VPS13B: variants seen among roughly 807,000 people sequenced by gnomAD.
VPS13B encodes the protein intermembrane lipid transfer protein VPS13B.
VPS13B carries 285 observed loss-of-function variants against 426.4 expected under a neutral mutation model. The observed-to-expected ratio is 0.67, with a 90% CI of 0.61 to 0.74. The LOEUF is 0.74. Ranked by LOEUF, VPS13B falls within the 30% of genes least tolerant of loss-of-function variation. The pLI is 0.00. For synonymous variants in VPS13B, 1,676 were observed against 1,676.4 expected (o/e 1.00, Z 0.01); for missense variants, 4,537 against 4,782.6 (o/e 0.95, Z 1.51).
At chr8:99,203,915 G>A (rs1463950007) in intron 17 of VPS13B, among the ~76,000 whole-genome samples, 4 of 152,114 alleles carry the variant, frequency 2.6e-5, no homozygotes, top group East Asian at 1.9e-4. Flanking sequence ...AATCAATATC[G>A]TGAAAATGGC....
intron 35 of VPS13B, among the ~76,000 whole-genome samples, chr8:99,664,688 G>A (rs1160163854): frequency 1.3e-5 from 2 of 152,142 alleles, no homozygotes; most frequent in African/African-American, 4.8e-5. Context: ...TGGTGTATAT[G>A]TGCCACATTT....
At chr8:99,056,085 T>A (rs957518113) in intron 3 of VPS13B, among the ~76,000 whole-genome samples, 105 of 151,636 alleles carry the variant, frequency 6.9e-4, no homozygotes, top group African/African-American at 2.4e-3. Flanking sequence ...GAGACAGGAT[T>A]TTGCTCTGTT....
intron 54 of VPS13B, among the ~76,000 whole-genome samples, chr8:99,836,539 G>T (rs1815402276): frequency 6.6e-6 from 1 of 151,432 alleles, no homozygotes; most frequent in South Asian, 2.1e-4. Context: ...TTTGTGTCTG[G>T]CTTATTTCAC....
chr8:99,236,946 C>T (rs987730120), intron 17 of VPS13B, among the ~76,000 whole-genome samples: 39 of 152,230 alleles, frequency 2.6e-4, no homozygotes, highest in African/African-American at 5.1e-4. Context: ...TGAATTCCCA[C>T]GTGTCGTGGG....
At chr8:99,116,249 G>C (rs1297970407) in intron 7 of VPS13B, among the ~76,000 whole-genome samples, 1 of 151,494 alleles carries the variant, frequency 6.6e-6, no homozygotes, top group Non-Finnish European at 1.5e-5. Context: ...GGCCAGGCTG[G>C]TCTCAAACTC....
intron 2 of VPS13B, among the ~76,000 whole-genome samples, chr8:99,030,799 C>T (rs1842474441): frequency 6.6e-6 from 1 of 152,138 alleles, no homozygotes; most frequent in Non-Finnish European, 1.5e-5. Flanking sequence ...ATTGTGACTT[C>T]TGTCATTCGC....
intron 23 of VPS13B, among the ~76,000 whole-genome samples, chr8:99,455,913 G>A (rs1021048818): frequency 2.6e-5 from 4 of 152,148 alleles, no homozygotes; most frequent in Non-Finnish European, 5.9e-5. Context: ...ATGCTGTTAT[G>A]TACATTTAGG....
At chr8:99,032,708 T>G (rs1193093102) in intron 2 of VPS13B, among the ~76,000 whole-genome samples, 2 of 151,396 alleles carry the variant, frequency 1.3e-5, no homozygotes, top group Admixed American at 6.6e-5. Flanking sequence ...TTTGTTTTTT[T>G]TTTTTGTATT....
chr8:99,423,654 C>T (rs1402838775), intron 21 of VPS13B, among the ~76,000 whole-genome samples: 2 of 152,076 alleles, frequency 1.3e-5, no homozygotes, highest in Non-Finnish European at 2.9e-5. Context: ...ATATATAAAA[C>T]ATTCTCACAA....
intron 8 of VPS13B, among the ~76,000 whole-genome samples, chr8:99,125,015 T>C (rs1041413669): frequency 6.6e-6 from 1 of 152,142 alleles, no homozygotes; most frequent in Non-Finnish European, 1.5e-5. Flanking sequence ...TAGATGATGT[T>C]CTCTAGAGGG....
intron 20 of VPS13B, among the ~76,000 whole-genome samples, chr8:99,384,818 T>C (rs35053285): frequency 0.11 from 16,636 of 152,230 alleles, 1,029 homozygotes; most frequent in Non-Finnish European, 0.14. Flanking sequence ...TAGCTGGGAT[T>C]ACAGGCATGT....
intron 25 of VPS13B, among the ~76,000 whole-genome samples, chr8:99,487,777 TTCCAC>T (rs1820389760): frequency 6.6e-6 from 1 of 152,236 alleles, no homozygotes; most frequent in Admixed American, 6.5e-5. Context: ...TGTATCAGAA[TTCCAC>T]TCCTTTTTAT....
At chr8:99,032,619 T>C (rs2132201059) in intron 2 of VPS13B, among the ~76,000 whole-genome samples, 1 of 150,702 alleles carries the variant, frequency 6.6e-6, no homozygotes, top group Middle Eastern at 3.4e-3. Context: ...AAGCTCCGCC[T>C]CCCGGGTTCA....
At chr8:99,645,748 T>G (rs1157678265) in intron 34 of VPS13B, among the ~76,000 whole-genome samples, 1 of 152,192 alleles carries the variant, frequency 6.6e-6, no homozygotes, top group Non-Finnish European at 1.5e-5. Context: ...TATATAAGTT[T>G]TATTAAATGT....
intron 28 of VPS13B, chr8:99,507,924 T>C: frequency 1.9e-6 from 3 of 1,614,038 alleles, no homozygotes; most frequent in African/African-American, 2.7e-5. Context: ...AAGAAATTAC[T>C]TTAAATTATG....
At chr8:99,388,317 A>G (rs1814239108) in intron 20 of VPS13B, among the ~76,000 whole-genome samples, 1 of 152,158 alleles carries the variant, frequency 6.6e-6, no homozygotes, top group Admixed American at 6.5e-5. Flanking sequence ...ATATTTTTTT[A>G]AAAAAGCAAA....
intron 33 of VPS13B, among the ~76,000 whole-genome samples, chr8:99,579,978 G>A (rs1354304995): frequency 6.6e-6 from 1 of 152,118 alleles, no homozygotes; most frequent in Non-Finnish European, 1.5e-5. Context: ...GATTACAGGC[G>A]TGAGCTACTG....
chr8:99,188,345 G>C (rs1409178342), intron 16 of VPS13B, among the ~76,000 whole-genome samples: 1 of 151,884 alleles, frequency 6.6e-6, no homozygotes, highest in Non-Finnish European at 1.5e-5. Context: ...GTGACTTTTT[G>C]GTCTGACTTC....
chr8:99,435,280 C>T (rs995847199), intron 22 of VPS13B, among the ~76,000 whole-genome samples: 1 of 152,094 alleles, frequency 6.6e-6, no homozygotes, highest in African/African-American at 2.4e-5. Flanking sequence ...AATGCTATTT[C>T]ATGATAATAG....
Sources: allele counts gnomAD v4.1 joint callset (sites outside exome capture counted in the v4.1 genomes callset), GRCh38; gene constraint gnomAD v4.1.1; transcripts MANE v1.5; gene names NCBI Gene and HGNC (gene_info 2026-07-23, HGNC 2026-07-21).